ABCB5: variants seen among roughly 807,000 people sequenced by gnomAD.
The protein encoded by ABCB5 is ATP-binding cassette sub-family B member 5.
Under a neutral mutation model 144.2 loss-of-function variants are expected in ABCB5, and 155 were observed. The observed-to-expected ratio is 1.08, with a 90% CI of 0.94 to 1.23. The LOEUF is 1.23. ABCB5 is among the 50% of genes most tolerant of loss of function. The pLI is 0.00. For synonymous variants in ABCB5, 610 were observed against 528.6 expected (o/e 1.15, Z -2.11); for missense variants, 1,830 against 1,520.8 (o/e 1.20, Z -3.38).
intron 26 of ABCB5, among the ~76,000 whole-genome samples, chr7:20,746,835 G>A (rs917454551): frequency 1.3e-5 from 2 of 152,068 alleles, no homozygotes; most frequent in African/African-American, 4.8e-5. Flanking sequence ...TTTCATGTAG[G>A]GGCGAATTTC....
Position 20,687,014 on chromosome 7 carries a change from T to A in ABCB5, c.2010+1178T>A, listed in dbSNP as rs550329549. Among the ~76,000 whole-genome samples the A allele has an allele frequency of 3.9e-5, 6 of 152,336 alleles. No individual in the cohort carries two copies. In the East Asian group the frequency reaches 1.2e-3, roughly 29 times the overall value. ...ATTTACACTCAGACATTTTTCCTTT[T>A]CTGCTAATTTTATTTTTTTAAGTCT... On this transcript the variant is annotated intron_variant, in intron 16 of 27. Coordinates refer to ENST00000404938, the MANE Select transcript of ABCB5 (RefSeq NM_001163941.2).
chr7:20,636,760 C>T (rs572528261), intron 5 of ABCB5, among the ~76,000 whole-genome samples: 3 of 127,378 alleles, frequency 2.4e-5, no homozygotes, highest in East Asian at 4.4e-4. Context: ...ACTCAAGCCT[C>T]GGCAACAGAG....
At chr7:20,734,916 T>C (rs1046557128) in intron 23 of ABCB5, among the ~76,000 whole-genome samples, 3 of 152,102 alleles carry the variant, frequency 2.0e-5, no homozygotes, top group Non-Finnish European at 4.4e-5. Context: ...GATTTAGATG[T>C]ACAAAATAAG....
chr7:20,727,135 A>C lies in ABCB5; in HGVS notation c.2721A>C (p.Gln907His), dbSNP rs1393047128. Residue 907 changes from glutamine (Q) to histidine (H), a missense_variant, in exon 22 of 28, where the codon CAA (glutamine) becomes CAC (histidine). Transcript: ENST00000404938. ...EQMYEEMLQTQHRNTSKKAQI... is the reference protein window; with the variant it reads ...EQMYEEMLQTHHRNTSKKAQI... The stretch of plus-strand genomic sequence containing the variant: ...TGTATGAAGAGATGCTTCAGACTCA[A>C]CACAGGTGATTATAGATTCATACTG... 6.2e-7 allele frequency: 1 copy of C among 1,612,318 alleles called. No homozygotes were observed.
In ABCB5 at chr7:20,645,801, G is replaced by T; in HGVS notation, c.724G>T (p.Ala242Ser). 6.2e-7 allele frequency: 1 copy of T among 1,613,844 alleles called. No individual in the cohort carries two copies. The highest frequency in any genetic ancestry group is 2.2e-5 in the East Asian group (1 of 44,860). Residue 242 changes from alanine to serine, a missense_variant, in exon 8 of 28, where the codon GCT becomes TCT. Physicochemically the swap from Ala to Ser is moderately conservative, Grantham distance 99. Coordinates refer to ENST00000404938, the MANE Select transcript of ABCB5 (RefSeq NM_001163941.2). ...TSKELSAYSK[A>S]GAVAEEVLSS... is the part of the protein sequence containing the mutation. ...TAAGGAATTAAGTGCCTATTCCAAAGCTGGGGCTGTGGCAGAAGAAGTCTT... is the reference window on the plus strand; with the variant it reads ...TAAGGAATTAAGTGCCTATTCCAAATCTGGGGCTGTGGCAGAAGAAGTCTT...
In ABCB5 at chr7:20,685,842, G is replaced by A. The variant is rs959192069; in HGVS notation, c.2010+6G>A. The A allele has an allele frequency of 3.8e-6, 6 of 1,576,534 alleles. No homozygotes were observed. Among genetic ancestry groups the A allele is most frequent in the Non-Finnish European group, 5.1e-6 (6 of 1,167,550 alleles). On this transcript the variant is annotated splice_donor_region_variant and intron_variant, in intron 16 of 27. Coordinates refer to ENST00000404938, the MANE Select transcript of ABCB5 (RefSeq NM_001163941.2). ...AATCCACCCAATCTAAAGAGGTAAT[G>A]GCTCAGCGATCAACCAGTTTTTCCT...
At chr7:20,653,232 C>T (rs1321148006) in intron 13 of ABCB5, among the ~76,000 whole-genome samples, 1 of 152,104 alleles carries the variant, frequency 6.6e-6, no homozygotes, top group Non-Finnish European at 1.5e-5. Flanking sequence ...ATGTCCCTTG[C>T]TATAAATCTA....
intron 25 of ABCB5, among the ~76,000 whole-genome samples, chr7:20,744,762 T>G (rs549141471): frequency 6.6e-6 from 1 of 151,618 alleles, no homozygotes; most frequent in East Asian, 1.9e-4. Context: ...TAAAGTATAA[T>G]AATAATAAAA....
chr7:20,631,030 C>T (rs543842752), intron 4 of ABCB5, among the ~76,000 whole-genome samples: 24 of 151,994 alleles, frequency 1.6e-4, no homozygotes, highest in South Asian at 8.3e-4. Flanking sequence ...ATTGGTTTTC[C>T]GGAGGATAAT....
At chr7:20,754,635 C>T (rs946008879) in intron 27 of ABCB5, among the ~76,000 whole-genome samples, 5 of 152,078 alleles carry the variant, frequency 3.3e-5, no homozygotes, top group Non-Finnish European at 5.9e-5. Flanking sequence ...CAGCTAAATC[C>T]TACCAAAAAC....
At chr7:20,691,962 T>C (rs1404491200) in intron 16 of ABCB5, among the ~76,000 whole-genome samples, 2 of 151,992 alleles carry the variant, frequency 1.3e-5, no homozygotes, top group Non-Finnish European at 2.9e-5. Flanking sequence ...CAGTCAATAA[T>C]AGAAATAGAC....
rs776884197 is a variant in ABCB5 at position 20,700,080 on chromosome 7, G to A, written c.2282G>A (p.Gly761Glu). Reference protein sequence around the residue: ...FMQGLFYGRAGEILTMRLRHL... With the variant: ...FMQGLFYGRAEEILTMRLRHL... ...CAGGGATTATTTTACGGCAGAGCAG[G>A]GGAAATTTTAACGATGAGATTAAGA... The change falls in exon 19 of 28, where the codon GGG becomes GAG. Residue 761 changes from glycine to glutamate, a missense_variant. Coordinates refer to ENST00000404938, the MANE Select transcript of ABCB5 (RefSeq NM_001163941.2). The A allele has an allele frequency of 5.6e-6, 9 of 1,613,724 alleles. No homozygotes were observed. Among genetic ancestry groups the A allele is most frequent in the Non-Finnish European group, 7.6e-6 (9 of 1,179,832 alleles).
At chr7:20,740,395 AT>A (rs1197325235) in intron 24 of ABCB5, among the ~76,000 whole-genome samples, 1 of 152,208 alleles carries the variant, frequency 6.6e-6, no homozygotes, top group Non-Finnish European at 1.5e-5. Context: ...TCCCTCTAGA[AT>A]TTTAATAGAT....
intron 23 of ABCB5, among the ~76,000 whole-genome samples, chr7:20,731,366 A>ATT (rs201169582): frequency 4.2e-5 from 4 of 96,164 alleles, no homozygotes; most frequent in African/African-American, 1.5e-4. Flanking sequence ...AAAAAAAAAA[A>ATT]AAAATATATA....
At chr7:20,619,900 G>A (rs1412011703) in intron 1 of ABCB5, among the ~76,000 whole-genome samples, 1 of 152,124 alleles carries the variant, frequency 6.6e-6, no homozygotes, top group Non-Finnish European at 1.5e-5. Context: ...CATATGGCTA[G>A]CCAGGTATCC....
intron 23 of ABCB5, among the ~76,000 whole-genome samples, chr7:20,732,900 T>C (rs2128052794): frequency 6.6e-6 from 1 of 152,310 alleles, no homozygotes; most frequent in South Asian, 2.1e-4. Flanking sequence ...GATGTTTCCT[T>C]TAAGGGGCTT....
Position 20,723,040 on chromosome 7 carries a change from T to G in ABCB5, c.2446T>G (p.Leu816Val), listed in dbSNP as rs748353591. Residue 816 changes from leucine (L) to valine (V), a missense_variant, in exon 21 of 28, where the codon TTA becomes GTA. Transcript: ENST00000404938. Reference protein sequence around the residue: ...QGATGSRIGVLTQNATNMGLS... With the variant: ...QGATGSRIGVVTQNATNMGLS... ...GGCAACAGGTTCCAGGATTGGCGTC[T>G]TAACACAAAATGCAACTAACATGGG... 1.2e-6 allele frequency: 2 copies of G among 1,614,174 alleles called. No individual in the cohort carries two copies. The highest frequency in any genetic ancestry group is 1.7e-6 in the Non-Finnish European group (2 of 1,180,038).
At chr7:20,731,124 G>A (rs552324615) in intron 23 of ABCB5, among the ~76,000 whole-genome samples, 17 of 152,070 alleles carry the variant, frequency 1.1e-4, no homozygotes, top group African/African-American at 3.6e-4. Context: ...GGAGGCAGAG[G>A]TGGGTGGATC....
At chr7:20,675,054 T>C (rs1785560073) in intron 14 of ABCB5, among the ~76,000 whole-genome samples, 1 of 151,942 alleles carries the variant, frequency 6.6e-6, no homozygotes, top group African/African-American at 2.4e-5. Flanking sequence ...TTGATATTGT[T>C]AAATGTCAAT....
Sources: allele counts gnomAD v4.1 joint callset (sites outside exome capture counted in the v4.1 genomes callset), GRCh38; gene constraint gnomAD v4.1.1; transcripts MANE v1.5; gene names NCBI Gene and HGNC (gene_info 2026-07-23, HGNC 2026-07-21).